Variants in SYN2 observed in about 807,000 individuals in gnomAD.
SYN2 encodes synapsin II.
SYN2 carries 19 observed loss-of-function variants against 50.9 expected under a neutral mutation model. The ratio of observed to expected loss-of-function variants is 0.37; its 90% CI spans 0.26 to 0.55. The LOEUF is 0.55. Among genes scored for constraint, SYN2 ranks in the 20% least tolerant of loss-of-function variants. The pLI, the probability that SYN2 is intolerant of heterozygous loss-of-function variation, is 0.81. For synonymous variants in SYN2, 255 were observed against 224.9 expected, an observed-to-expected ratio of 1.13 and a Z score of -1.20; for missense variants, 587 against 576.4, an observed-to-expected ratio of 1.02 and a Z score of -0.19.
At chr3:12,075,373 T>C (rs1231796326) in intron 1 of SYN2, among the ~76,000 whole-genome samples, 1 of 152,198 alleles carries the variant, frequency 6.6e-6, no homozygotes, top group Non-Finnish European at 1.5e-5. Context: ...ATTAAATGCT[T>C]AGATAATATA....
At chr3:12,085,352 TACA>T (rs1695674134) in intron 1 of SYN2, among the ~76,000 whole-genome samples, 1 of 149,266 alleles carries the variant, frequency 6.7e-6, no homozygotes, top group Non-Finnish European at 1.5e-5. Flanking sequence ...TGTTATGGAA[TACA>T]CACACACACA....
chr3:12,134,943 A>G (rs1384398001), intron 1 of SYN2, among the ~76,000 whole-genome samples: 1 of 152,208 alleles, frequency 6.6e-6, no homozygotes, highest in African/African-American at 2.4e-5. Flanking sequence ...TTATAGTTCC[A>G]GCACCTACCA....
intron 10 of SYN2, among the ~76,000 whole-genome samples, chr3:12,174,074 T>C (rs968019716): frequency 6.6e-6 from 1 of 151,890 alleles, no homozygotes; most frequent in Non-Finnish European, 1.5e-5. Flanking sequence ...TTCTACATCA[T>C]TGGCTTCCCC....
At chr3:12,035,671 A>G (rs1694483704) in intron 1 of SYN2, among the ~76,000 whole-genome samples, 1 of 152,230 alleles carries the variant, frequency 6.6e-6, no homozygotes, top group Non-Finnish European at 1.5e-5. Flanking sequence ...AGTCATAGGT[A>G]GATTCAAAGA....
intron 1 of SYN2, among the ~76,000 whole-genome samples, chr3:12,083,173 G>A (rs1695616881): frequency 6.6e-6 from 1 of 152,030 alleles, no homozygotes; most frequent in South Asian, 2.1e-4. Flanking sequence ...CACCACACCT[G>A]GCTAATTTTT....
In SYN2 at chr3:12,085,365, A is replaced by ACGCACG. The variant is rs1399764978; in HGVS notation, c.378-55285_378-55284insGCACGC. On this transcript the variant is annotated intron_variant, in intron 1 of 12. Transcript: ENST00000621198. ...ATTGTTATGGAATACACACACACAC[A>ACGCACG]CACACACACACACACGCACGCACGC... Among the ~76,000 whole-genome samples the ACGCACG allele has an allele frequency of 8.3e-3, 1,213 of 145,864 alleles. 36 individuals are homozygous for ACGCACG. The East Asian group carries it at 0.11, about 13-fold the overall frequency.
Position 12,191,206 on chromosome 3 carries a change from C to A in SYN2, c.*581C>A. ...GAAGCACCTTGAGTCTGCTGATATTCGGGAGAACAAGGATCTGCAGTTTCC... is the reference window on the plus strand; with the variant it reads ...GAAGCACCTTGAGTCTGCTGATATTAGGGAGAACAAGGATCTGCAGTTTCC... On this transcript the variant is annotated 3_prime_UTR_variant, in exon 13 of 13. Coordinates refer to ENST00000621198, the MANE Select transcript of SYN2 (RefSeq NM_133625.6). 2 of 982,712 alleles carry A rather than the reference C, an allele frequency of 2.0e-6. No homozygotes were observed. Among genetic ancestry groups the A allele is most frequent in the Non-Finnish European group, 2.4e-6 (2 of 827,512 alleles). 60.9% of individuals were successfully genotyped at this position (982,712 alleles called of 1,614,324 possible). A position where few individuals can be genotyped will look rare whatever the true frequency, so the allele number is the denominator to read the frequency against.
chr3:12,018,745 C>G (rs1039836831), intron 1 of SYN2, among the ~76,000 whole-genome samples: 1 of 152,188 alleles, frequency 6.6e-6, no homozygotes, highest in Non-Finnish European at 1.5e-5. Flanking sequence ...GTCCTAATTT[C>G]TTCATGAGAT....
chr3:12,036,989 A>G (rs1266060340), intron 1 of SYN2, among the ~76,000 whole-genome samples: 1 of 152,226 alleles, frequency 6.6e-6, no homozygotes, highest in African/African-American at 2.4e-5. Context: ...TAAGTTCTGC[A>G]TTCCACAAAG....
intron 4 of SYN2, among the ~76,000 whole-genome samples, chr3:12,150,232 A>G (rs572724602): frequency 4.6e-5 from 7 of 152,226 alleles, no homozygotes; most frequent in Non-Finnish European, 1.0e-4. Context: ...GAACTAATCC[A>G]GTAGCCCTAG....
At chr3:12,071,170 A>G (rs1324888488) in intron 1 of SYN2, 1 of 551,756 alleles carries the variant, frequency 1.8e-6, no homozygotes, top group South Asian at 1.4e-5. Context: ...CATCACCAAC[A>G]GGATGCAGAA....
chr3:12,042,666 C>A (rs1478147582), intron 1 of SYN2, among the ~76,000 whole-genome samples: 1 of 152,188 alleles, frequency 6.6e-6, no homozygotes, highest in East Asian at 1.9e-4. Context: ...CAAAATGTGA[C>A]TTATTTGGAA....
At chr3:12,160,146 C>T (rs1420778921) in intron 5 of SYN2, among the ~76,000 whole-genome samples, 1 of 151,750 alleles carries the variant, frequency 6.6e-6, no homozygotes, top group Non-Finnish European at 1.5e-5. Flanking sequence ...CACAGTGTTG[C>T]AAGCCTCCAA....
chr3:12,153,788 G>C, intron 5 of SYN2: 3 of 1,513,788 alleles, frequency 2.0e-6, no homozygotes, highest in Non-Finnish European at 2.7e-6. Context: ...AGATTCCTAC[G>C]TACCTTTCCA....
chr3:12,108,256 G>A (rs1363534587), intron 1 of SYN2, among the ~76,000 whole-genome samples: 1 of 152,154 alleles, frequency 6.6e-6, no homozygotes, highest in Admixed American at 6.5e-5. Flanking sequence ...GAGCATCAGA[G>A]TGTTTTTATT....
intron 1 of SYN2, among the ~76,000 whole-genome samples, chr3:12,015,413 A>G (rs1016713350): frequency 5.9e-5 from 9 of 152,212 alleles, no homozygotes; most frequent in African/African-American, 4.8e-5. Context: ...GAAAGTTTTC[A>G]GTACTTATTT....
intron 10 of SYN2, among the ~76,000 whole-genome samples, chr3:12,171,235 C>T (rs948779112): frequency 2.0e-5 from 3 of 152,088 alleles, no homozygotes; most frequent in Non-Finnish European, 4.4e-5. Context: ...TATTTAATTA[C>T]TATATTTAAC....
chr3:12,155,596 G>A (rs1697431716), intron 5 of SYN2, among the ~76,000 whole-genome samples: 1 of 152,236 alleles, frequency 6.6e-6, no homozygotes, highest in South Asian at 2.1e-4. Context: ...CAAAGCTAGA[G>A]AGGGCAGCAG....
chr3:12,102,836 C>G (rs370711119), intron 1 of SYN2, among the ~76,000 whole-genome samples: 5 of 152,080 alleles, frequency 3.3e-5, no homozygotes, highest in African/African-American at 1.2e-4. Flanking sequence ...TCGTTTGTTA[C>G]TGGATCATAA....
Sources: gnomAD v4.1 joint callset for allele counts (sites outside exome capture counted in the v4.1 genomes callset) on GRCh38, gnomAD v4.1.1 for gene constraint, MANE v1.5 for transcripts, NCBI Gene and HGNC (gene_info 2026-07-23, HGNC 2026-07-21) for gene names.